The following KIAA1217 variants were observed in gnomAD, a reference collection of about 807,000 sequenced individuals.
The protein encoded by KIAA1217 is KIAA1217.
KIAA1217 carries 88 observed loss-of-function variants against 163.9 expected under a neutral mutation model. That is an observed-to-expected ratio of 0.54 (90% CI 0.45 to 0.64). The LOEUF is 0.64. Among genes scored for constraint, KIAA1217 ranks in the 30% least tolerant of loss-of-function variants. KIAA1217 has a pLI of 0.00. For synonymous variants in KIAA1217, 903 were observed against 923.1 expected (o/e 0.98, Z 0.39); for missense variants, 2,372 against 2,475.0 (o/e 0.96, Z 0.88).
At chr10:24,276,043 A>G (rs940027105) in intron 2 of KIAA1217, among the ~76,000 whole-genome samples, 3 of 152,214 alleles carry the variant, frequency 2.0e-5, no homozygotes, top group South Asian at 2.1e-4. Flanking sequence ...CTCAGAATGT[A>G]GAAGAGAAGT....
chr10:24,220,166 A>G (rs1255421684), intron 2 of KIAA1217, among the ~76,000 whole-genome samples: 3 of 152,142 alleles, frequency 2.0e-5, no homozygotes, highest in African/African-American at 7.2e-5. Context: ...GAGAGTATGC[A>G]GTTCCCCAAA....
chr10:24,172,862 G>A (rs1286997996), intron 2 of KIAA1217, among the ~76,000 whole-genome samples: 1 of 152,230 alleles, frequency 6.6e-6, no homozygotes, highest in Non-Finnish European at 1.5e-5. Flanking sequence ...GCTCTTGACT[G>A]TCTGGCTCAT....
intron 2 of KIAA1217, among the ~76,000 whole-genome samples, chr10:24,377,184 A>G (rs1205201269): frequency 6.6e-6 from 1 of 152,174 alleles, no homozygotes; most frequent in Non-Finnish European, 1.5e-5. Context: ...CACCCCCTTC[A>G]TGCATGACCC....
At chr10:23,910,526 G>T (rs1367104359) in intron 1 of KIAA1217, among the ~76,000 whole-genome samples, 1 of 152,110 alleles carries the variant, frequency 6.6e-6, no homozygotes, top group Non-Finnish European at 1.5e-5. Flanking sequence ...AAAGGCAAGT[G>T]ATTCTCCCTA....
chr10:24,319,914 A>G (rs1226584772), intron 2 of KIAA1217, among the ~76,000 whole-genome samples: 1 of 152,240 alleles, frequency 6.6e-6, no homozygotes, highest in Non-Finnish European at 1.5e-5. Context: ...TGTTAACCCT[A>G]CATTCGGGAA....
intron 1 of KIAA1217, among the ~76,000 whole-genome samples, chr10:23,813,581 CCTA>C (rs1466752011): frequency 2.6e-5 from 4 of 151,958 alleles, no homozygotes; most frequent in Admixed American, 6.6e-5. Flanking sequence ...GGCTATAAAT[CCTA>C]CTATGTAATT....
rs1179792355 is a variant in KIAA1217 at position 23,790,557 on chromosome 10, GTACATATGTATATA to G, written c.-321+95337_-321+95350del. Among the ~76,000 whole-genome samples, 15 of 69,482 alleles carry G rather than the reference GTACATATGTATATA, an allele frequency of 2.2e-4. 3 individuals carry two copies. The highest frequency in any genetic ancestry group is 3.4e-4 in the South Asian group (1 of 2,914). 45.6% of individuals were successfully genotyped at this position (69,482 alleles called of 152,430 possible). ...CATATACATGTGCATATATACATAT[GTACATATGTATATA>G]TACATATGTATATGTACATATATAC... On this transcript the variant is annotated intron_variant, in intron 1 of 18. Coordinates refer to the KIAA1217 transcript ENST00000376462.
chr10:23,974,219 C>A (rs575927412), intron 1 of KIAA1217, among the ~76,000 whole-genome samples: 6 of 152,146 alleles, frequency 3.9e-5, no homozygotes, highest in African/African-American at 1.4e-4. Context: ...CTATGCCCAA[C>A]AACTCCTAAG....
chr10:24,197,515 A>G (rs2067046584), intron 2 of KIAA1217, among the ~76,000 whole-genome samples: 1 of 152,268 alleles, frequency 6.6e-6, no homozygotes, highest in African/African-American at 2.4e-5. Flanking sequence ...AAAGTCAATC[A>G]GGGAAAAGAA....
At chr10:23,719,255 T>C (rs893011404) in intron 1 of KIAA1217, among the ~76,000 whole-genome samples, 2 of 152,144 alleles carry the variant, frequency 1.3e-5, no homozygotes, top group African/African-American at 4.8e-5. Flanking sequence ...TGCTACAGTA[T>C]GATGAAGCCC....
chr10:24,483,625 G>A (rs1454533946), intron 6 of KIAA1217, among the ~76,000 whole-genome samples: 1 of 152,086 alleles, frequency 6.6e-6, no homozygotes, highest in East Asian at 1.9e-4. Flanking sequence ...GCGAGAGTGG[G>A]GAGTTCATTT....
intron 13 of KIAA1217, among the ~76,000 whole-genome samples, chr10:24,527,335 C>T (rs2072351502): frequency 6.9e-6 from 1 of 144,078 alleles, no homozygotes; most frequent in South Asian, 2.4e-4. Flanking sequence ...CATGGTGGCT[C>T]ATGCCTGTAA....
chr10:23,701,433 C>T (rs181124774), intron 1 of KIAA1217, among the ~76,000 whole-genome samples: 301 of 152,250 alleles, frequency 2.0e-3, no homozygotes, highest in African/African-American at 7.0e-3. Flanking sequence ...CCATGCAAGT[C>T]GTCCTCAAAT....
intron 2 of KIAA1217, among the ~76,000 whole-genome samples, chr10:24,170,949 C>A (rs2065600814): frequency 6.6e-6 from 1 of 152,190 alleles, no homozygotes; most frequent in Non-Finnish European, 1.5e-5. Flanking sequence ...ATGTGTTCTG[C>A]TCAATAATGC....
At chr10:23,969,201 A>AT (rs1247658626) in intron 1 of KIAA1217, among the ~76,000 whole-genome samples, 6 of 151,966 alleles carry the variant, frequency 3.9e-5, no homozygotes, top group East Asian at 3.9e-4. Context: ...TGCCTGCCTA[A>AT]TTTTTTGTAT....
At chr10:24,495,531 T>C (rs1477871396) in intron 8 of KIAA1217, among the ~76,000 whole-genome samples, 4 of 152,182 alleles carry the variant, frequency 2.6e-5, no homozygotes, top group Non-Finnish European at 5.9e-5. Context: ...GTGTGTCAAG[T>C]GTTTAAAAGT....
intron 2 of KIAA1217, among the ~76,000 whole-genome samples, chr10:24,354,625 A>T (rs1357425476): frequency 6.6e-6 from 1 of 151,222 alleles, no homozygotes; most frequent in African/African-American, 2.5e-5. Flanking sequence ...TCTCAGCAGG[A>T]TGGAGTGGGA....
chr10:23,847,323 C>CT (rs2131084553), intron 1 of KIAA1217, among the ~76,000 whole-genome samples: 1 of 152,172 alleles, frequency 6.6e-6, no homozygotes, highest in East Asian at 1.9e-4. Context: ...GCAGCTCCTC[C>CT]TTGTACCTCT....
At position 23,721,898 on chromosome 10, in the gene KIAA1217, C is replaced by T. The variant is rs1046916127; in HGVS notation, c.-321+26664C>T. On this transcript the variant is annotated intron_variant, in intron 1 of 18. Transcript: ENST00000376462. ...CATTTTCTTGTGCCTACTAGATTTC[C>T]TATCTTTCTTGCTTTTACAAATATT... 3.3e-5 allele frequency among the ~76,000 whole-genome samples: 5 copies of T among 152,078 alleles called. No individual in the cohort carries two copies. In the South Asian group the frequency reaches 8.3e-4, roughly 25 times the overall value.
Sources: gnomAD v4.1 joint callset for allele counts (sites outside exome capture counted in the v4.1 genomes callset) on GRCh38, gnomAD v4.1.1 for gene constraint, MANE v1.5 for transcripts, NCBI Gene and HGNC (gene_info 2026-07-23, HGNC 2026-07-21) for gene names.